Variants in CCDC61 observed in about 807,000 individuals in gnomAD.
The protein encoded by CCDC61 is coiled-coil domain containing 61.
Under a neutral mutation model 63.0 loss-of-function variants are expected in CCDC61, and 55 were observed. That is an observed-to-expected ratio of 0.87 (90% CI 0.70 to 1.09). The LOEUF (loss-of-function observed/expected upper bound fraction) is 1.09, where lower values mean the gene tolerates loss of function less well. CCDC61 is among the 50% of genes least tolerant of loss of function. The pLI is 0.00. For synonymous variants in CCDC61, 270 were observed against 317.0 expected (o/e 0.85, Z 1.58); for missense variants, 651 against 731.4 (o/e 0.89, Z 1.27).
At position 46,006,828 on chromosome 19, in the gene CCDC61, GC is replaced by G; in HGVS notation, c.389+114del. The G allele has an allele frequency of 4.0e-6, 4 of 1,008,978 alleles. No individual in the cohort carries two copies. In the South Asian group the frequency reaches 6.9e-5, roughly 17 times the overall value. 62.5% of individuals were successfully genotyped at this position (1,008,978 alleles called of 1,614,324 possible). A position where few individuals can be genotyped will look rare whatever the true frequency, so the allele number is the denominator to read the frequency against. On this transcript the variant is annotated intron_variant, in intron 4 of 13. Transcript: ENST00000595358. ...GGCAAGGTGATATTGGTTAAGCCTT[GC>G]CTTGGGAATCTTCCCTGTTGGGGTT... is the stretch of plus-strand genomic sequence containing the variant.
Position 46,015,638 on chromosome 19 carries a change from C to A in CCDC61, c.845+211C>A, listed in dbSNP as rs1313715485. ...GGTGGACCCGGGCTGTGCGGAGATGCGCAGGCTTGGGGCGGCGTTCAGGAG... is the reference window on the plus strand; with the variant it reads ...GGTGGACCCGGGCTGTGCGGAGATGAGCAGGCTTGGGGCGGCGTTCAGGAG... On this transcript the variant is annotated intron_variant, in intron 7 of 13. Transcript: ENST00000595358. The surrounding 1 kb of genome is among the most constrained non-coding windows in gnomAD (Gnocchi z 5.3). Among the ~76,000 whole-genome samples, 1 of 152,036 alleles carries A rather than the reference C, an allele frequency of 6.6e-6. No homozygotes were observed. The highest frequency in any genetic ancestry group is 1.5e-5 in the Non-Finnish European group (1 of 67,998).
At position 46,015,078 on chromosome 19, in the gene CCDC61, A is replaced by G; in HGVS notation, c.581A>G (p.Glu194Gly). 1 of 1,466,278 alleles carries G rather than the reference A, an allele frequency of 6.8e-7. No individual in the cohort carries two copies. The allele number at this position is 1,466,278 out of a possible 1,614,324, so 90.8% of individuals were successfully genotyped here. Residue 194 changes from glutamate (E) to glycine (G), a missense_variant, in exon 6 of 14, where the codon GAG becomes GGG. By Grantham distance (98) the Glu-to-Gly change is moderately conservative (BLOSUM62 -2). Coordinates refer to ENST00000595358, the MANE Select transcript of CCDC61 (RefSeq NM_001267723.2). This position sits in a 1 kb window ranked among gnomAD's most constrained non-coding sequence, Gnocchi z 5.3. ...TCGCGCCTGGCGTCCGAGAAGCGGG[A>G]GCTGGAGGCGCAGCTGGGCCGATCG... Reference protein sequence around the residue: ...QVSRLASEKRELEAQLGRSRE... With the variant: ...QVSRLASEKRGLEAQLGRSRE...
chr19:46,000,498 G>C (rs2146453592), intron 1 of CCDC61, among the ~76,000 whole-genome samples: 1 of 151,988 alleles, frequency 6.6e-6, no homozygotes. Context: ...AGAGGGGGCT[G>C]GTTTCCGGGG....
rs1263521234 is a variant in CCDC61, at chr19:46,017,281, A to G, written c.1345A>G (p.Thr449Ala). Residue 449 changes from threonine (T) to alanine (A), a missense_variant, in exon 12 of 14, where the codon ACG (threonine) becomes GCG (alanine). Physicochemically the swap from Thr to Ala is moderately conservative, Grantham distance 58 (BLOSUM62 0). Transcript: ENST00000595358. ...HRRRGKPPSP[T>A]PWSGSNMKSP... is the part of the protein sequence containing the mutation. ...CCGCCGTGGGAAGCCTCCCAGCCCA[A>G]CGCCCTGGAGTGGGTCCAATATGGT... 6.4e-7 allele frequency: 1 copy of G among 1,566,110 alleles called. No homozygotes were observed. The highest frequency in any genetic ancestry group is 1.2e-5 in the South Asian group (1 of 84,948).
In CCDC61 at chr19:46,018,023, G is replaced by A. The variant is rs1393359575; in HGVS notation, c.1369-55G>A. 4 of 1,470,816 alleles carry A rather than the reference G, an allele frequency of 2.7e-6. No individual in the cohort carries two copies. Among genetic ancestry groups the A allele is most frequent in the African/African-American group, 2.8e-5 (2 of 70,686 alleles). The allele number at this position is 1,470,816 out of a possible 1,614,324, so 91.1% of individuals were successfully genotyped here. ...TCAGGATTTCCAGTGGGATTTAGGG[G>A]GACAGAAATAGAGGGACGGTGGGTG... On this transcript the variant is annotated intron_variant, in intron 12 of 13. Coordinates refer to ENST00000595358, the MANE Select transcript of CCDC61 (RefSeq NM_001267723.2). This position sits in a 1 kb window ranked among gnomAD's most constrained non-coding sequence, Gnocchi z 4.2.
chr19:46,016,269 C>T lies in CCDC61; in HGVS notation c.1015+46C>T, dbSNP rs749845324. The T allele has an allele frequency of 2.8e-5, 45 of 1,607,140 alleles. No homozygotes were observed. In the East Asian group the frequency reaches 6.9e-4, roughly 25 times the overall value. ...GTAGGGAGGGGACGCACTGGCGCTG[C>T]CAAGGCCCGTCTCCGGACCTAGCCG... On this transcript the variant is annotated intron_variant, in intron 8 of 13. Coordinates refer to ENST00000595358, the MANE Select transcript of CCDC61 (RefSeq NM_001267723.2). The surrounding 1 kb of genome is among the most constrained non-coding windows in gnomAD (Gnocchi z 7.2).
intron 2 of CCDC61, 61 bp downstream of exon 2, chr19:46,003,227 A>AT: frequency 6.5e-7 from 1 of 1,533,348 alleles, no homozygotes; most frequent in Non-Finnish European, 8.8e-7. Context: ...TTCTCCCAGA[A>AT]TATCAGGCCA....
At chr19:46,004,886 C>T (rs1370184491) in intron 3 of CCDC61, among the ~76,000 whole-genome samples, 1 of 139,872 alleles carries the variant, frequency 7.1e-6, no homozygotes, top group African/African-American at 2.7e-5. Flanking sequence ...GCTCGGTTGC[C>T]CAGGCTTAGT....
At position 46,016,294 on chromosome 19, in the gene CCDC61, G is replaced by T. The variant is rs201360874; in HGVS notation, c.1016-24G>T. 4 of 1,612,398 alleles carry T rather than the reference G, an allele frequency of 2.5e-6. No homozygotes were observed. The highest frequency in any genetic ancestry group is 1.3e-5 in the African/African-American group (1 of 75,012). On this transcript the variant is annotated intron_variant, in intron 8 of 13. Transcript: ENST00000595358. The surrounding 1 kb of genome is among the most constrained non-coding windows in gnomAD (Gnocchi z 7.2). ...CCAAGGCCCGTCTCCGGACCTAGCC[G>T]CCTCCTCTCCCACGCCGTCCTAGGT...
At chr19:46,000,712 G>C (rs769676136) in intron 1 of CCDC61, among the ~76,000 whole-genome samples, 6 of 152,024 alleles carry the variant, frequency 3.9e-5, no homozygotes, top group Admixed American at 1.3e-4. Flanking sequence ...AGGAGGGGAA[G>C]GGGCCGGGCA....
intron 5 of CCDC61, among the ~76,000 whole-genome samples, chr19:46,013,448 C>T (rs1446212285): frequency 6.6e-6 from 1 of 152,154 alleles, no homozygotes; most frequent in Non-Finnish European, 1.5e-5. Context: ...TGAGCCACCA[C>T]ACTTGACCTA....
At chr19:46,010,173 G>C (rs1303123928) in intron 5 of CCDC61, among the ~76,000 whole-genome samples, 1 of 152,236 alleles carries the variant, frequency 6.6e-6, no homozygotes, top group Non-Finnish European at 1.5e-5. Flanking sequence ...TAACAGGCGG[G>C]CATTCTTATT....
intron 1 of CCDC61, among the ~76,000 whole-genome samples, chr19:45,998,161 C>T (rs1248805067): frequency 6.6e-6 from 1 of 152,164 alleles, no homozygotes; most frequent in African/African-American, 2.4e-5. Context: ...TGGTATGGGG[C>T]AGGGTTGCTG....
chr19:46,016,644 G>C lies in CCDC61; in HGVS notation c.1092-50G>C. 1 of 1,604,330 alleles carries C rather than the reference G, an allele frequency of 6.2e-7. No individual in the cohort carries two copies. Among genetic ancestry groups the C allele is most frequent in the Non-Finnish European group, 8.5e-7 (1 of 1,175,728 alleles). On this transcript the variant is annotated intron_variant, in intron 9 of 13. Transcript: ENST00000595358. The surrounding 1 kb of genome is among the most constrained non-coding windows in gnomAD (Gnocchi z 7.2). ...CCTTTAGGGGCGCAGTGACCCCCTT[G>C]CCTGCAGGAGTTGGGCGTACAGACC... is the stretch of plus-strand genomic sequence containing the variant.
chr19:46,000,209 G>A (rs2146453024), intron 1 of CCDC61, among the ~76,000 whole-genome samples: 1 of 151,912 alleles, frequency 6.6e-6, no homozygotes, highest in African/African-American at 2.4e-5. Flanking sequence ...GTGTGCGGGT[G>A]GAGTGGGGGT....
chr19:46,002,995 T>A lies in CCDC61; in HGVS notation c.-11-13T>A, dbSNP rs1968619183. ...TGAGCTCCTCTAGGTTTCTCTCTCA[T>A]CTCCTTCTCCAGCAACCTTGGCCAT... On this transcript the variant is annotated splice_polypyrimidine_tract_variant and intron_variant, in intron 1 of 13. Coordinates refer to ENST00000595358, the MANE Select transcript of CCDC61 (RefSeq NM_001267723.2). 1 of 1,552,154 alleles carries A rather than the reference T, an allele frequency of 6.4e-7. No homozygotes were observed. Among genetic ancestry groups the A allele is most frequent in the Non-Finnish European group, 8.7e-7 (1 of 1,147,144 alleles).
In CCDC61 at chr19:46,006,552, C is replaced by G. The variant is rs1250646386; in HGVS notation, c.232-7C>G. ...CTGTGGCAGCTCCTCCTCTCCTCTCCTGACAGAGTAGTGAGTCAGTCACCC... is the reference window on the plus strand; with the variant it reads ...CTGTGGCAGCTCCTCCTCTCCTCTCGTGACAGAGTAGTGAGTCAGTCACCC... On this transcript the variant is annotated splice_region_variant and splice_polypyrimidine_tract_variant and intron_variant, in intron 3 of 13. Transcript: ENST00000595358. 6.5e-7 allele frequency: 1 copy of G among 1,531,136 alleles called. No individual in the cohort carries two copies. The highest frequency in any genetic ancestry group is 8.8e-7 in the Non-Finnish European group (1 of 1,132,532). The allele number at this position is 1,531,136 out of a possible 1,614,324, so 94.8% of individuals were successfully genotyped here. A position where few individuals can be genotyped will look rare whatever the true frequency, so the allele number is the denominator to read the frequency against.
At chr19:46,010,830 A>G (rs1285178533) in intron 5 of CCDC61, among the ~76,000 whole-genome samples, 2 of 152,182 alleles carry the variant, frequency 1.3e-5, no homozygotes, top group Non-Finnish European at 2.9e-5. Flanking sequence ...CCTCTGTAAA[A>G]GCATCAGTGT....
intron 1 of CCDC61, among the ~76,000 whole-genome samples, chr19:45,999,572 A>C (rs1398542993): frequency 6.6e-6 from 1 of 152,010 alleles, no homozygotes; most frequent in Non-Finnish European, 1.5e-5. Context: ...CGTGTCTGGT[A>C]TGGGAGGTAG....
Sources: allele counts gnomAD v4.1 joint callset (sites outside exome capture counted in the v4.1 genomes callset), GRCh38; gene constraint gnomAD v4.1.1; non-coding constraint Gnocchi (gnomAD v3.1); transcripts MANE v1.5; gene names NCBI Gene and HGNC (gene_info 2026-07-23, HGNC 2026-07-21).